The following CMIP variants were observed in gnomAD, a reference collection of about 807,000 sequenced individuals.
CMIP encodes C-Maf-inducing protein.
A neutral mutation model predicts 97.3 loss-of-function variants in CMIP; 13 were observed. The observed-to-expected ratio is 0.13, with a 90% CI of 0.09 to 0.21. The LOEUF is 0.21. Ranked by LOEUF, CMIP falls within the 10% of genes least tolerant of loss-of-function variation. The probability of loss-of-function intolerance (pLI) is 1.00; values close to 1 mark genes in which losing one functional copy is unlikely to be tolerated. For synonymous variants in CMIP, 538 were observed against 436.3 expected, an observed-to-expected ratio of 1.23 and a Z score of -2.91; for missense variants, 847 against 1,024.9, an observed-to-expected ratio of 0.83 and a Z score of 2.37.
chr16:81,645,854 T>C, intron 3 of CMIP: 1 of 548,394 alleles, frequency 1.8e-6, no homozygotes, highest in Non-Finnish European at 3.3e-6. Context: ...TCTCATGAAA[T>C]AGTCACAGCA....
chr16:81,693,197 G>T lies in CMIP; in HGVS notation c.1481+13G>T. The T allele has an allele frequency of 3.1e-6, 5 of 1,610,282 alleles. No individual in the cohort carries two copies. Among genetic ancestry groups the T allele is most frequent in the Non-Finnish European group, 4.2e-6 (5 of 1,177,174 alleles). ...AGAAGTTCACCAAGTGAGTGTCTGG[G>T]CACCGCCCTCATTCCATTCTGGCAC... On this transcript the variant is annotated intron_variant, in intron 12 of 20. Coordinates refer to ENST00000537098, the MANE Select transcript of CMIP (RefSeq NM_198390.3).
chr16:81,615,603 A>G (rs1482838505), intron 2 of CMIP, among the ~76,000 whole-genome samples: 1 of 117,536 alleles, frequency 8.5e-6, no homozygotes, highest in Non-Finnish European at 1.8e-5. Flanking sequence ...TGTGTGGTGT[A>G]TGTGTCTTTG....
intron 9 of CMIP, among the ~76,000 whole-genome samples, chr16:81,677,756 G>A (rs1904418908): frequency 6.6e-6 from 1 of 152,190 alleles, no homozygotes; most frequent in African/African-American, 2.4e-5. Context: ...TCCGCAGACA[G>A]AAGGGCAGAT....
chr16:81,702,552 A>G (rs1388508492), intron 16 of CMIP, 70 bp from the exon 17 acceptor site: 3 of 1,439,810 alleles, frequency 2.1e-6, no homozygotes, highest in Non-Finnish European at 2.9e-6. Context: ...AGTGTTGTTA[A>G]CAGAGGTGGA....
chr16:81,660,992 C>A, intron 6 of CMIP, 46 bp downstream of exon 6: 1 of 1,610,634 alleles, frequency 6.2e-7, no homozygotes, highest in Non-Finnish European at 8.5e-7. Context: ...AAGTAACCTC[C>A]CTCTGTGCGC....
chr16:81,681,073 G>A (rs1904828831), intron 10 of CMIP, among the ~76,000 whole-genome samples: 1 of 152,172 alleles, frequency 6.6e-6, no homozygotes, highest in Admixed American at 6.5e-5. Flanking sequence ...CATCGCCAAG[G>A]GCCCAGGACA....
At chr16:81,542,378 T>C (rs2090464907) in intron 1 of CMIP, among the ~76,000 whole-genome samples, 1 of 152,180 alleles carries the variant, frequency 6.6e-6, no homozygotes, top group Non-Finnish European at 1.5e-5. Flanking sequence ...AGTTGTATGC[T>C]CTGTGAGGCA....
chr16:81,572,561 G>A (rs1465214537), intron 1 of CMIP, among the ~76,000 whole-genome samples: 1 of 152,214 alleles, frequency 6.6e-6, no homozygotes, highest in African/African-American at 2.4e-5. Flanking sequence ...CCTGACGGGA[G>A]TTAGGCCTTG....
chr16:81,678,212 T>C (rs750702543), intron 9 of CMIP, 63 bp from the exon 10 acceptor site: 8 of 1,280,122 alleles, frequency 6.2e-6, no homozygotes, highest in South Asian at 4.5e-5. Context: ...TTTAGTCTGA[T>C]GGGTCATGGT....
At chr16:81,640,296 C>A (rs963896796) in intron 3 of CMIP, among the ~76,000 whole-genome samples, 150 of 151,248 alleles carry the variant, frequency 9.9e-4, no homozygotes, top group African/African-American at 3.3e-3. Flanking sequence ...GCCCCCCCCC[C>A]CCCAATTCCC....
intron 1 of CMIP, among the ~76,000 whole-genome samples, chr16:81,553,352 G>A (rs1277378827): frequency 6.6e-6 from 1 of 152,180 alleles, no homozygotes; most frequent in Non-Finnish European, 1.5e-5. Flanking sequence ...ACCCAGGACC[G>A]TATTTGCAAA....
chr16:81,575,017 C>T (rs1283540197), intron 1 of CMIP, among the ~76,000 whole-genome samples: 2 of 152,172 alleles, frequency 1.3e-5, no homozygotes, highest in Admixed American at 1.3e-4. Flanking sequence ...CTCATTGCTC[C>T]CATTTAAGGA....
intron 1 of CMIP, among the ~76,000 whole-genome samples, chr16:81,468,686 A>C (rs1907351086): frequency 6.6e-6 from 1 of 152,236 alleles, no homozygotes; most frequent in South Asian, 2.1e-4. Flanking sequence ...CAGTGCCCGC[A>C]AACGAGGGTG....
At chr16:81,492,387 GC>G (rs1432282434) in intron 1 of CMIP, among the ~76,000 whole-genome samples, 3 of 152,200 alleles carry the variant, frequency 2.0e-5, no homozygotes, top group Non-Finnish European at 4.4e-5. Flanking sequence ...AGTGCCTTCA[GC>G]TCCTGGCTGA....
At chr16:81,657,485 G>A (rs575567902) in intron 4 of CMIP, among the ~76,000 whole-genome samples, 19 of 152,078 alleles carry the variant, frequency 1.2e-4, no homozygotes, top group Admixed American at 2.0e-4. Flanking sequence ...CCTGTTGACC[G>A]AAGCAGGAAC....
intron 1 of CMIP, among the ~76,000 whole-genome samples, chr16:81,462,816 G>A: frequency 6.6e-6 from 1 of 152,170 alleles, no homozygotes; most frequent in East Asian, 1.9e-4. Flanking sequence ...TCAGGCAGAT[G>A]GTGGCTCACT....
chr16:81,533,635 T>C (rs2090284670), intron 1 of CMIP, among the ~76,000 whole-genome samples: 1 of 152,102 alleles, frequency 6.6e-6, no homozygotes, highest in Non-Finnish European at 1.5e-5. Context: ...CGTGCCGCCA[T>C]GCCCAGCTAA....
At chr16:81,473,658 C>G (rs1907697681) in intron 1 of CMIP, among the ~76,000 whole-genome samples, 1 of 151,878 alleles carries the variant, frequency 6.6e-6, no homozygotes. Context: ...ATGGGGTGAT[C>G]TCAAATCTCA....
chr16:81,678,061 G>A (rs769827668), intron 9 of CMIP, among the ~76,000 whole-genome samples: 1 of 152,216 alleles, frequency 6.6e-6, no homozygotes, highest in Non-Finnish European at 1.5e-5. Flanking sequence ...CAGGCAACCT[G>A]GGTTGGGCTG....
Sources: allele counts gnomAD v4.1 joint callset (sites outside exome capture counted in the v4.1 genomes callset), GRCh38; gene constraint gnomAD v4.1.1; transcripts MANE v1.5; gene names NCBI Gene and HGNC (gene_info 2026-07-23, HGNC 2026-07-21).